Variants in PRPSAP2 observed in about 807,000 individuals in gnomAD.
PRPSAP2 encodes phosphoribosyl pyrophosphate synthetase associated protein 2.
A neutral mutation model predicts 40.6 loss-of-function variants in PRPSAP2; 24 were observed. The observed-to-expected ratio is 0.59, with a 90% CI of 0.43 to 0.83. The LOEUF (loss-of-function observed/expected upper bound fraction) is 0.83, where lower values mean the gene tolerates loss of function less well. Among genes scored for constraint, PRPSAP2 ranks in the 40% least tolerant of loss-of-function variants. PRPSAP2 has a pLI of 0.00. For synonymous variants in PRPSAP2, 149 were observed against 164.7 expected (o/e 0.90, Z 0.73); for missense variants, 292 against 465.6 (o/e 0.63, Z 3.43).
At chr17:18,894,571 C>G in intron 8 of PRPSAP2, among the ~76,000 whole-genome samples, 1 of 151,688 alleles carries the variant, frequency 6.6e-6, no homozygotes. Flanking sequence ...CCTCCGCCTC[C>G]TGGGTTTAAG....
intron 5 of PRPSAP2, 115 bp from the exon 6 acceptor site, chr17:18,877,583 C>A: frequency 1.0e-6 from 1 of 986,248 alleles, no homozygotes; most frequent in Non-Finnish European, 1.4e-6. Flanking sequence ...TGGTTTTTTT[C>A]TGCCTTGCAC....
At chr17:18,910,257 T>C (rs2040876561) in intron 8 of PRPSAP2, among the ~76,000 whole-genome samples, 1 of 152,072 alleles carries the variant, frequency 6.6e-6, no homozygotes, top group Non-Finnish European at 1.5e-5. Flanking sequence ...CCATCTGTAC[T>C]AAAAATACAA....
At chr17:18,865,250 G>A (rs1041684394) in intron 1 of PRPSAP2, among the ~76,000 whole-genome samples, 2 of 152,130 alleles carry the variant, frequency 1.3e-5, no homozygotes, top group African/African-American at 4.8e-5. Context: ...TGTCCTTCAA[G>A]GTGATTATCT....
intron 4 of PRPSAP2, among the ~76,000 whole-genome samples, chr17:18,868,199 C>T (rs750499847): frequency 1.8e-4 from 27 of 151,684 alleles, no homozygotes; most frequent in Non-Finnish European, 3.2e-4. Flanking sequence ...TTAGGCCAGG[C>T]GTGGTGGCTC....
At chr17:18,881,188 ATT>A (rs371658856) in intron 6 of PRPSAP2, among the ~76,000 whole-genome samples, 10 of 129,580 alleles carry the variant, frequency 7.7e-5, no homozygotes, top group African/African-American at 1.1e-4. Flanking sequence ...AAAAAAAAAA[ATT>A]TTTTTTGAAA....
At chr17:18,913,150 G>A (rs1376281154) in intron 9 of PRPSAP2, among the ~76,000 whole-genome samples, 1 of 152,180 alleles carries the variant, frequency 6.6e-6, no homozygotes, top group African/African-American at 2.4e-5. Context: ...ACTGGGCATT[G>A]CCCTAGTGGG....
At chr17:18,901,868 A>G (rs932197895) in intron 8 of PRPSAP2, among the ~76,000 whole-genome samples, 1 of 151,960 alleles carries the variant, frequency 6.6e-6, no homozygotes, top group African/African-American at 2.4e-5. Flanking sequence ...TGTAGCCTCC[A>G]TCTCCTGGGC....
intron 6 of PRPSAP2, among the ~76,000 whole-genome samples, chr17:18,878,930 T>C (rs2038510129): frequency 6.6e-6 from 1 of 151,464 alleles, no homozygotes; most frequent in Admixed American, 6.6e-5. Flanking sequence ...AGTGCAGTGG[T>C]GGCACCTCGG....
chr17:18,898,237 T>A (rs182824972), intron 8 of PRPSAP2, among the ~76,000 whole-genome samples: 115 of 152,154 alleles, frequency 7.6e-4, no homozygotes, highest in African/African-American at 2.6e-3. Context: ...GACCTCGCAA[T>A]CTGCCCACCG....
intron 9 of PRPSAP2, among the ~76,000 whole-genome samples, chr17:18,915,265 A>G (rs1369295703): frequency 1.3e-5 from 2 of 150,816 alleles, no homozygotes; most frequent in African/African-American, 2.4e-5. Flanking sequence ...GCTCAAAGCG[A>G]TCCTTCCACC....
chr17:18,872,478 G>A (rs1168244523), intron 4 of PRPSAP2, 105 bp from the exon 5 acceptor site: 1 of 822,250 alleles, frequency 1.2e-6, no homozygotes, highest in Non-Finnish European at 2.0e-6. Context: ...AACAGTTTGA[G>A]TTGCCATATT....
At chr17:18,922,319 C>A (rs998490175) in intron 9 of PRPSAP2, among the ~76,000 whole-genome samples, 1 of 152,166 alleles carries the variant, frequency 6.6e-6, no homozygotes, top group Non-Finnish European at 1.5e-5. Flanking sequence ...GGAATTGCTG[C>A]GTCACTTGGT....
chr17:18,908,391 T>A, intron 8 of PRPSAP2: 1 of 764,566 alleles, frequency 1.3e-6, no homozygotes, highest in South Asian at 1.4e-5. Context: ...ATTAAAACAC[T>A]GGAGGAAGAT....
At chr17:18,886,904 C>A (rs1330086286) in intron 7 of PRPSAP2, among the ~76,000 whole-genome samples, 1 of 149,202 alleles carries the variant, frequency 6.7e-6, no homozygotes, top group African/African-American at 2.5e-5. Flanking sequence ...TGTCTTTCTG[C>A]ATACATGATA....
intron 11 of PRPSAP2, chr17:18,929,477 A>T (rs1039392780): frequency 2.0e-5 from 3 of 152,176 alleles, no homozygotes; most frequent in Non-Finnish European, 4.4e-5. Context: ...CTTCCTAGAA[A>T]GGAACCCCAT....
At chr17:18,882,506 A>C in intron 6 of PRPSAP2, 62 bp from the exon 7 acceptor site, 1 of 1,105,134 alleles carries the variant, frequency 9.0e-7, no homozygotes, top group South Asian at 1.3e-5. Flanking sequence ...ATGGGATCCC[A>C]TCTTAAAAAA....
intron 8 of PRPSAP2, among the ~76,000 whole-genome samples, chr17:18,902,227 G>A (rs994801443): frequency 1.1e-4 from 17 of 152,188 alleles, no homozygotes; most frequent in Non-Finnish European, 2.5e-4. Flanking sequence ...AGGGATGGAT[G>A]TAGTAGCCTT....
At chr17:18,928,996 G>A (rs1296644357) in intron 11 of PRPSAP2, 39 bp downstream of exon 11, 4 of 1,587,786 alleles carry the variant, frequency 2.5e-6, no homozygotes, top group Non-Finnish European at 3.4e-6. Flanking sequence ...AGCTGCCTGG[G>A]CTTTTGGCAC....
intron 9 of PRPSAP2, among the ~76,000 whole-genome samples, chr17:18,915,925 TTC>T (rs2041283154): frequency 6.6e-6 from 1 of 151,718 alleles, no homozygotes; most frequent in Non-Finnish European, 1.5e-5. Flanking sequence ...GTTCAAGCAG[TTC>T]TCCTGCCTCA....
Sources: allele counts gnomAD v4.1 joint callset (sites outside exome capture counted in the v4.1 genomes callset), GRCh38; gene constraint gnomAD v4.1.1; transcripts MANE v1.5; gene names NCBI Gene and HGNC (gene_info 2026-07-23, HGNC 2026-07-21).